Variants in EYS observed in about 807,000 individuals in gnomAD.
EYS encodes the protein protein eyes shut homolog.
In EYS, 250 loss-of-function variants were observed where a neutral mutation model predicts 282.1. The observed-to-expected ratio is 0.89, with a 90% confidence interval of 0.80 to 0.98. The LOEUF is 0.98. Ranked by LOEUF, EYS falls within the 50% of genes least tolerant of loss-of-function variation. EYS has a pLI of 0.00. For synonymous variants in EYS, 1,355 were observed against 1,282.9 expected (o/e 1.06, Z -1.20); for missense variants, 4,016 against 3,709.0 (o/e 1.08, Z -2.15).
At chr6:64,313,710 A>G (rs1049398390) in intron 29 of EYS, among the ~76,000 whole-genome samples, 4 of 152,136 alleles carry the variant, frequency 2.6e-5, no homozygotes, top group African/African-American at 9.7e-5. Flanking sequence ...GGGGACCAAT[A>G]TTCAACATTC....
chr6:65,299,414 A>C (rs1377557895), intron 11 of EYS, among the ~76,000 whole-genome samples: 10 of 151,798 alleles, frequency 6.6e-5, no homozygotes, highest in African/African-American at 2.4e-4. Context: ...GACCCCCCCC[A>C]AAAAACAACT....
intron 30 of EYS, among the ~76,000 whole-genome samples, chr6:64,293,059 A>G (rs1768773599): frequency 1.3e-5 from 2 of 152,090 alleles, no homozygotes; most frequent in South Asian, 4.1e-4. Context: ...TACTTTAAAA[A>G]TGTAAGCAGA....
chr6:64,933,634 T>G (rs1428088720), intron 15 of EYS, among the ~76,000 whole-genome samples: 2 of 152,146 alleles, frequency 1.3e-5, no homozygotes, highest in African/African-American at 4.8e-5. Context: ...CATTACTGGG[T>G]ATATACCTGA....
chr6:64,200,471 A>T (rs1420334333), intron 31 of EYS, among the ~76,000 whole-genome samples: 3 of 152,278 alleles, frequency 2.0e-5, no homozygotes, highest in Admixed American at 6.5e-5. Context: ...CAGTTAAAAA[A>T]TTTTTATAAA....
chr6:63,728,855 A>G (rs1768708207), intron 41 of EYS, among the ~76,000 whole-genome samples: 1 of 152,154 alleles, frequency 6.6e-6, no homozygotes. Context: ...ATACCAAGGA[A>G]CACAATTGCT....
chr6:64,303,943 A>C (rs1315192869), intron 30 of EYS, among the ~76,000 whole-genome samples: 1 of 151,986 alleles, frequency 6.6e-6, no homozygotes, highest in Non-Finnish European at 1.5e-5. Flanking sequence ...AAAGGAATGT[A>C]AGGGAGTTTA....
intron 12 of EYS, among the ~76,000 whole-genome samples, chr6:65,169,664 T>G (rs992441007): frequency 2.7e-5 from 4 of 150,696 alleles, no homozygotes; most frequent in Admixed American, 1.3e-4. Flanking sequence ...AAAGGCAAAA[T>G]TTTTTTTTGG....
At chr6:64,517,525 A>G (rs1198958420) in intron 26 of EYS, among the ~76,000 whole-genome samples, 1 of 151,800 alleles carries the variant, frequency 6.6e-6, no homozygotes, top group Non-Finnish European at 1.5e-5. Context: ...CCAGTTGGTA[A>G]AAAAGATTAA....
intron 31 of EYS, among the ~76,000 whole-genome samples, chr6:64,218,772 C>A (rs1051021756): frequency 1.3e-5 from 2 of 152,026 alleles, no homozygotes; most frequent in Non-Finnish European, 2.9e-5. Flanking sequence ...CTGGAGTAGC[C>A]GGCAAAGTTA....
intron 5 of EYS, among the ~76,000 whole-genome samples, chr6:65,440,314 A>G (rs1193258649): frequency 6.6e-6 from 1 of 151,804 alleles, no homozygotes; most frequent in Non-Finnish European, 1.5e-5. Flanking sequence ...ATTCAATACC[A>G]TATGTCTACT....
chr6:65,022,519 T>C (rs1158262667), intron 13 of EYS, among the ~76,000 whole-genome samples: 1 of 152,046 alleles, frequency 6.6e-6, no homozygotes, highest in Non-Finnish European at 1.5e-5. Flanking sequence ...ATCAAATTTA[T>C]TGACAGTGGA....
intron 31 of EYS, among the ~76,000 whole-genome samples, chr6:64,134,479 T>C (rs113012556): frequency 0.013 from 2,012 of 152,162 alleles, 39 homozygotes; most frequent in African/African-American, 0.045. Flanking sequence ...GATTAGGGAA[T>C]ACACAAATGA....
chr6:65,440,102 T>A (rs758476068), intron 5 of EYS, among the ~76,000 whole-genome samples: 2 of 152,092 alleles, frequency 1.3e-5, no homozygotes, highest in African/African-American at 2.4e-5. Flanking sequence ...ATAAATCACA[T>A]AATTGTGAAA....
chr6:64,938,870 T>G (rs1444441581), intron 15 of EYS, among the ~76,000 whole-genome samples: 2 of 151,584 alleles, frequency 1.3e-5, no homozygotes, highest in African/African-American at 4.8e-5. Flanking sequence ...CTGTATAGAG[T>G]TCGGTGCTAT....
At chr6:65,696,928 T>A (rs548907350) in intron 1 of EYS, among the ~76,000 whole-genome samples, 26 of 152,162 alleles carry the variant, frequency 1.7e-4, no homozygotes, top group Non-Finnish European at 3.2e-4. Context: ...ATAGCATATG[T>A]CTTCACTTTT....
At chr6:64,128,598 G>C (rs1013836711) in intron 31 of EYS, among the ~76,000 whole-genome samples, 32 of 152,094 alleles carry the variant, frequency 2.1e-4, no homozygotes, top group African/African-American at 6.0e-4. Flanking sequence ...GCTCTAAACT[G>C]CAAGAGAGAA....
chr6:64,149,813 A>G (rs1020852275), intron 31 of EYS, among the ~76,000 whole-genome samples: 5 of 152,212 alleles, frequency 3.3e-5, no homozygotes, highest in Non-Finnish European at 4.4e-5. Flanking sequence ...TTAACCTCAC[A>G]GATCACCTTG....
intron 31 of EYS, among the ~76,000 whole-genome samples, chr6:64,114,012 TG>T (rs746434227): frequency 6.6e-6 from 1 of 152,212 alleles, no homozygotes; most frequent in South Asian, 2.1e-4. Flanking sequence ...CTATATGACC[TG>T]CTAAACCTAA....
chr6:65,368,024 A>G (rs529440861), intron 8 of EYS, among the ~76,000 whole-genome samples: 13 of 151,742 alleles, frequency 8.6e-5, no homozygotes, highest in African/African-American at 2.9e-4. Context: ...GCCTCAGGAA[A>G]CTTACAATCA....
Sources: gnomAD v4.1 joint callset for allele counts (sites outside exome capture counted in the v4.1 genomes callset) on GRCh38, gnomAD v4.1.1 for gene constraint, MANE v1.5 for transcripts, NCBI Gene and HGNC (gene_info 2026-07-23, HGNC 2026-07-21) for gene names.